The following DPP10 variants were observed in gnomAD, a reference collection of about 807,000 sequenced individuals.
DPP10 encodes the protein inactive dipeptidyl peptidase 10.
DPP10 carries 33 observed loss-of-function variants against 120.9 expected under a neutral mutation model. That is an observed-to-expected ratio of 0.27 (90% confidence interval 0.21 to 0.37). The LOEUF is 0.37. Among genes scored for constraint, DPP10 ranks in the 10% least tolerant of loss-of-function variants. The pLI, the probability that DPP10 is intolerant of heterozygous loss-of-function variation, is 1.00. For synonymous variants in DPP10, 337 were observed against 326.1 expected, an observed-to-expected ratio of 1.03 and a Z score of -0.36; for missense variants, 816 against 942.8, an observed-to-expected ratio of 0.87 and a Z score of 1.76.
In DPP10 at chr2:114,971,243, A is replaced by G. The variant is rs929277195; in HGVS notation, c.61-337996A>G. 3.9e-5 allele frequency among the ~76,000 whole-genome samples: 6 copies of G among 152,168 alleles called. No individual in the cohort carries two copies. The East Asian group carries it at 9.6e-4, about 24-fold the overall frequency. ...AGGTCACATTTGGATACTATGATTTATGGCTTGCTAGTCACTTTCACAAAG... is the reference window on the plus strand; with the variant it reads ...AGGTCACATTTGGATACTATGATTTGTGGCTTGCTAGTCACTTTCACAAAG... On this transcript the variant is annotated intron_variant, in intron 1 of 25. Coordinates refer to ENST00000410059, the MANE Select transcript of DPP10 (RefSeq NM_020868.6).
Position 115,746,124 on chromosome 2 carries a change from A to T in DPP10, c.891A>T (p.Val297=), listed in dbSNP as rs1260957074. The T allele has an allele frequency of 6.2e-7, 1 of 1,612,106 alleles. No homozygotes were observed. The highest frequency in any genetic ancestry group is 2.2e-5 in the East Asian group (1 of 44,760). The change falls in exon 10 of 26, where the codon GTA becomes GTT. Residue 297 remains valine (V), a synonymous_variant. Transcript: ENST00000410059. ...QVNPTIKLYV[V]NLYGPTHTLE... ...ACCCAACAATAAAATTATATGTTGTAAACCTGTATGGACCAACTCACACTT... is the reference window on the plus strand; with the variant it reads ...ACCCAACAATAAAATTATATGTTGTTAACCTGTATGGACCAACTCACACTT...
chr2:115,385,134 C>G (rs1234687684), intron 3 of DPP10, among the ~76,000 whole-genome samples: 2 of 152,142 alleles, frequency 1.3e-5, no homozygotes, highest in African/African-American at 4.8e-5. Flanking sequence ...TCAGTTATGT[C>G]TTTATCAGCA....
chr2:114,833,745 T>C lies in DPP10; in HGVS notation c.60+390907T>C, dbSNP rs1048534147. 2.0e-5 allele frequency: 3 copies of C among 152,170 alleles called. No homozygotes were observed. In the South Asian group the frequency reaches 6.2e-4, roughly 31 times the overall value. 9.4% of individuals were successfully genotyped at this position (152,170 alleles called of 1,614,324 possible). A position where few individuals can be genotyped will look rare whatever the true frequency, so the allele number is the denominator to read the frequency against. On this transcript the variant is annotated intron_variant, in intron 1 of 25. Coordinates refer to ENST00000410059, the MANE Select transcript of DPP10 (RefSeq NM_020868.6). ...TGCTACTGTCAGGATGACATAAAGA[T>C]GCTGCATAGAACACGTTTAGCCCAA...
At chr2:115,330,540 T>A (rs892659128) in intron 2 of DPP10, among the ~76,000 whole-genome samples, 1 of 151,948 alleles carries the variant, frequency 6.6e-6, no homozygotes, top group Admixed American at 6.6e-5. Context: ...ATTGCCTAGG[T>A]TTTCTTCTAG....
intron 3 of DPP10, among the ~76,000 whole-genome samples, chr2:115,389,693 C>T (rs558533910): frequency 1.6e-4 from 24 of 152,242 alleles, no homozygotes; most frequent in Middle Eastern, 3.4e-3. Context: ...CAAAACAACA[C>T]GTGCATTCTA....
intron 7 of DPP10, among the ~76,000 whole-genome samples, chr2:115,707,822 A>G (rs868356744): frequency 7.9e-5 from 12 of 151,880 alleles, no homozygotes; most frequent in Non-Finnish European, 1.5e-4. Flanking sequence ...TTATTACAAT[A>G]GGTAAAACAT....
At chr2:114,652,825 G>A (rs1033655136) in intron 1 of DPP10, among the ~76,000 whole-genome samples, 1 of 152,076 alleles carries the variant, frequency 6.6e-6, no homozygotes, top group Non-Finnish European at 1.5e-5. Context: ...GTTGGGGAGA[G>A]AGCATTATAG....
At chr2:114,661,345 G>C (rs1172891384) in intron 1 of DPP10, among the ~76,000 whole-genome samples, 1 of 152,144 alleles carries the variant, frequency 6.6e-6, no homozygotes, top group Non-Finnish European at 1.5e-5. Flanking sequence ...AGCAAATTTG[G>C]TTTTGTAGAT....
intron 5 of DPP10, among the ~76,000 whole-genome samples, chr2:115,566,244 T>G (rs2081001664): frequency 6.6e-6 from 1 of 152,134 alleles, no homozygotes; most frequent in Non-Finnish European, 1.5e-5. Flanking sequence ...TTTAAAAGTA[T>G]TTATAATTTT....
At chr2:114,667,109 C>G (rs559928850) in intron 1 of DPP10, among the ~76,000 whole-genome samples, 4 of 152,100 alleles carry the variant, frequency 2.6e-5, no homozygotes, top group Non-Finnish European at 1.5e-5. Context: ...TTCATGGGCT[C>G]CAAAATAAGG....
intron 1 of DPP10, among the ~76,000 whole-genome samples, chr2:114,694,798 G>A (rs1171001717): frequency 3.9e-5 from 6 of 151,904 alleles, no homozygotes; most frequent in African/African-American, 1.4e-4. Flanking sequence ...TGAAAGATGT[G>A]ATTTCTAAAT....
chr2:114,453,813 C>CT (rs1258647062), intron 1 of DPP10, among the ~76,000 whole-genome samples: 1 of 152,132 alleles, frequency 6.6e-6, no homozygotes, highest in Non-Finnish European at 1.5e-5. Flanking sequence ...ATAAAAGAGC[C>CT]TTTTAAATTG....
At chr2:115,422,576 G>C (rs1201957935) in intron 3 of DPP10, among the ~76,000 whole-genome samples, 1 of 152,126 alleles carries the variant, frequency 6.6e-6, no homozygotes, top group Non-Finnish European at 1.5e-5. Context: ...CTTTCATTCT[G>C]TCCTTGCAAA....
intron 1 of DPP10, among the ~76,000 whole-genome samples, chr2:114,566,918 A>G (rs1049396266): frequency 1.8e-4 from 27 of 152,238 alleles, no homozygotes; most frequent in Non-Finnish European, 3.5e-4. Flanking sequence ...TTATCATGGC[A>G]TCAGTATCTT....
chr2:114,646,189 A>T (rs533541636), intron 1 of DPP10, among the ~76,000 whole-genome samples: 3 of 150,854 alleles, frequency 2.0e-5, no homozygotes, highest in Admixed American at 2.0e-4. Flanking sequence ...TAAATAAATA[A>T]ATAAATAAAA....
intron 5 of DPP10, among the ~76,000 whole-genome samples, chr2:115,673,644 G>A (rs943390851): frequency 6.6e-6 from 1 of 152,058 alleles, no homozygotes; most frequent in Non-Finnish European, 1.5e-5. Flanking sequence ...TAAACTGTTC[G>A]GTATGTAATT....
chr2:115,051,295 A>T (rs559985975), intron 1 of DPP10, among the ~76,000 whole-genome samples: 10 of 152,164 alleles, frequency 6.6e-5, no homozygotes, highest in Non-Finnish European at 1.2e-4. Flanking sequence ...CACCAAATAG[A>T]GAGTATCAAT....
chr2:114,526,778 A>G (rs539798690), intron 1 of DPP10, among the ~76,000 whole-genome samples: 3 of 152,170 alleles, frequency 2.0e-5, no homozygotes, highest in African/African-American at 7.2e-5. Flanking sequence ...TACCCTCATT[A>G]CCTAATCACC....
chr2:115,485,132 A>T (rs1400385745), intron 3 of DPP10, among the ~76,000 whole-genome samples: 1 of 151,938 alleles, frequency 6.6e-6, no homozygotes, highest in African/African-American at 2.4e-5. Context: ...GGTAAGTTAC[A>T]TCCTGGGCAT....
Sources: gnomAD v4.1 joint callset for allele counts (sites outside exome capture counted in the v4.1 genomes callset) on GRCh38, gnomAD v4.1.1 for gene constraint, MANE v1.5 for transcripts, NCBI Gene and HGNC (gene_info 2026-07-23, HGNC 2026-07-21) for gene names.